PCDHGA6: variants seen among roughly 807,000 people sequenced by gnomAD.
The protein encoded by PCDHGA6 is protocadherin gamma subfamily A, 6, also known as protocadherin gamma-A6.
In PCDHGA6, 41 loss-of-function variants were observed where a neutral mutation model predicts 60.6. The observed-to-expected ratio is 0.68, with a 90% confidence interval of 0.53 to 0.88. PCDHGA6 has a LOEUF of 0.88. Ranked by LOEUF, PCDHGA6 falls within the 40% of genes least tolerant of loss-of-function variation. The probability of loss-of-function intolerance (pLI) is 0.00; values close to 1 mark genes in which losing one functional copy is unlikely to be tolerated. For synonymous variants in PCDHGA6, 594 were observed against 524.4 expected (o/e 1.13, Z -1.81); for missense variants, 1,312 against 1,203.0 (o/e 1.09, Z -1.34).
intron 1 of PCDHGA6, chr5:141,388,295 C>A (rs766909730): frequency 8.1e-6 from 13 of 1,613,442 alleles, no homozygotes; most frequent in Non-Finnish European, 1.1e-5. Flanking sequence ...CGCAAAATTC[C>A]TTTGAGCTGC....
At chr5:141,382,637 G>A (rs993305735) in intron 1 of PCDHGA6, 3 of 381,072 alleles carry the variant, frequency 7.9e-6, no homozygotes, top group African/African-American at 2.1e-5. Context: ...TCAATGTGGT[G>A]CAGTAACTTA....
chr5:141,414,007 A>G (rs1047239460), intron 1 of PCDHGA6: 2 of 1,613,292 alleles, frequency 1.2e-6, no homozygotes, highest in Non-Finnish European at 1.7e-6. Flanking sequence ...CGAAGGTGCC[A>G]ATGGAGAAGT....
At chr5:141,423,094 C>CGCGTGCGT (rs2096708722) in intron 1 of PCDHGA6, 4 of 1,613,860 alleles carry the variant, frequency 2.5e-6, no homozygotes, top group African/African-American at 2.7e-5. Flanking sequence ...GGTGGGGGAG[C>CGCGTGCGT]ACACGGGCGA....
chr5:141,389,330 C>T, intron 1 of PCDHGA6: 1 of 1,614,000 alleles, frequency 6.2e-7, no homozygotes. Context: ...TGGGGCCCAA[C>T]GGCCAAGTCT....
chr5:141,501,789 C>T (rs367954511), intron 2 of PCDHGA6, among the ~76,000 whole-genome samples: 1 of 152,262 alleles, frequency 6.6e-6, no homozygotes, highest in South Asian at 2.1e-4. Context: ...TCTCCCTCTG[C>T]TCATCTCTTA....
chr5:141,413,157 A>T, intron 1 of PCDHGA6: 2 of 1,578,898 alleles, frequency 1.3e-6, no homozygotes, highest in Non-Finnish European at 1.7e-6. Flanking sequence ...ACTTTGCAGA[A>T]TTCTGTAACC....
chr5:141,506,577 A>G (rs2099855057), intron 3 of PCDHGA6, among the ~76,000 whole-genome samples: 1 of 152,162 alleles, frequency 6.6e-6, no homozygotes, highest in South Asian at 2.1e-4. Flanking sequence ...TTCACTTACT[A>G]TTAATGGGCA....
At chr5:141,403,425 T>C in intron 1 of PCDHGA6, 1 of 1,614,040 alleles carries the variant, frequency 6.2e-7, no homozygotes, top group South Asian at 1.1e-5. Context: ...CCAGAAGCTA[T>C]TGATCCGGAT....
intron 1 of PCDHGA6, among the ~76,000 whole-genome samples, chr5:141,447,276 A>G (rs2098532917): frequency 6.6e-6 from 1 of 151,994 alleles, no homozygotes; most frequent in South Asian, 2.1e-4. Flanking sequence ...AGTAGCTGGG[A>G]CTACAGGCAC....
At chr5:141,398,343 G>A (rs1393305647) in intron 1 of PCDHGA6, 6 of 1,380,544 alleles carry the variant, frequency 4.3e-6, no homozygotes, top group Non-Finnish European at 6.0e-6. Context: ...GTTCGGAGAA[G>A]CCTTACTTCA....
In PCDHGA6 at chr5:141,374,810, A is replaced by G; in HGVS notation, c.727A>G (p.Thr243Ala). Residue 243 changes from threonine (T) to alanine (A), a missense_variant, in exon 1 of 4, where the codon ACT (threonine) becomes GCT (alanine). Transcript: ENST00000517434. ...LDVNDNTPMFTQPVYRVSVPE... is the reference protein window; with the variant it reads ...LDVNDNTPMFAQPVYRVSVPE... ...TGTGAATGACAACACTCCAATGTTT[A>G]CTCAGCCTGTCTACCGTGTAAGTGT... 1 of 1,613,952 alleles carries G rather than the reference A, an allele frequency of 6.2e-7. No individual in the cohort carries two copies. The highest frequency in any genetic ancestry group is 8.5e-7 in the Non-Finnish European group (1 of 1,179,882).
At chr5:141,428,102 G>A (rs774075619) in intron 1 of PCDHGA6, 1 of 1,608,518 alleles carries the variant, frequency 6.2e-7, no homozygotes, top group Non-Finnish European at 8.5e-7. Context: ...CCTACCACGT[G>A]CTGCAGGCCA....
chr5:141,400,361 C>G (rs776965891), intron 1 of PCDHGA6: 3 of 1,613,952 alleles, frequency 1.9e-6, no homozygotes, highest in Non-Finnish European at 2.5e-6. Flanking sequence ...GGGACTTTGC[C>G]TTATTCCTAC....
intron 2 of PCDHGA6, among the ~76,000 whole-genome samples, chr5:141,498,604 C>G (rs1445417630): frequency 6.6e-6 from 1 of 152,122 alleles, no homozygotes; most frequent in East Asian, 1.9e-4. Flanking sequence ...GGTTCAAGTT[C>G]AAGTCAGCAC....
In PCDHGA6 at chr5:141,506,418, G is replaced by A. The variant is rs2099853241; in HGVS notation, c.2572+937G>A. Among the ~76,000 whole-genome samples, 3 of 141,160 alleles carry A rather than the reference G, an allele frequency of 2.1e-5. No homozygotes were observed. The South Asian group carries it at 6.6e-4, about 31-fold the overall frequency. 92.6% of individuals were successfully genotyped at this position (141,160 alleles called of 152,430 possible). The stretch of plus-strand genomic sequence containing the variant: ...CAGAAAATCGCACCACTGCACTCCA[G>A]CCTGGGCAACAGTCTCGCTCTGTCT... On this transcript the variant is annotated intron_variant, in intron 3 of 3. Coordinates refer to ENST00000517434, the MANE Select transcript of PCDHGA6 (RefSeq NM_018919.3).
Position 141,389,969 on chromosome 5 carries a change from C to T in PCDHGA6, c.2424+13462C>T, listed in dbSNP as rs762168749. 10 of 1,614,042 alleles carry T rather than the reference C, an allele frequency of 6.2e-6. No individual in the cohort carries two copies. In the South Asian group the frequency reaches 1.1e-4, roughly 18 times the overall value. On this transcript the variant is annotated intron_variant, in intron 1 of 3. Coordinates refer to ENST00000517434, the MANE Select transcript of PCDHGA6 (RefSeq NM_018919.3). ...AGTTTTACCTAGTGGTGGCCTTGGC[C>T]TTGATCTCAGTGCTCTTCCTCGTGG...
intron 3 of PCDHGA6, among the ~76,000 whole-genome samples, chr5:141,507,809 C>T (rs866898784): frequency 2.0e-5 from 3 of 152,206 alleles, no homozygotes; most frequent in Non-Finnish European, 2.9e-5. Flanking sequence ...CCCTGGGGAA[C>T]GGACCCTGGG....
chr5:141,414,212 A>G (rs778319178), intron 1 of PCDHGA6: 1 of 1,612,944 alleles, frequency 6.2e-7, no homozygotes, highest in Admixed American at 1.7e-5. Flanking sequence ...GATGTAAATG[A>G]CAACAGTCCA....
Position 141,431,704 on chromosome 5 carries a change from C to T in PCDHGA6, c.2424+55197C>T. On this transcript the variant is annotated intron_variant, in intron 1 of 3. Transcript: ENST00000517434. The surrounding 1 kb of genome is among the most constrained non-coding windows in gnomAD (Gnocchi z 4.8). ...TGGACCACGAGGAGTCAGGATTCTA[C>T]CAGATGGAAGTGCAAGCAATGGATA... 1 of 1,614,194 alleles carries T rather than the reference C, an allele frequency of 6.2e-7. No homozygotes were observed. The highest frequency in any genetic ancestry group is 8.5e-7 in the Non-Finnish European group (1 of 1,180,036).
Sources: gnomAD v4.1 joint callset for allele counts (sites outside exome capture counted in the v4.1 genomes callset) on GRCh38, gnomAD v4.1.1 for gene constraint, Gnocchi (gnomAD v3.1) non-coding constraint, MANE v1.5 for transcripts, NCBI Gene and HGNC (gene_info 2026-07-23, HGNC 2026-07-21) for gene names.